Variants in ACAN observed in about 807,000 individuals in gnomAD.
The protein encoded by ACAN is aggrecan core protein.
In ACAN, 47 loss-of-function variants were observed where a neutral mutation model predicts 169.1. The observed-to-expected ratio is 0.28, with a 90% CI of 0.22 to 0.35. ACAN has a LOEUF of 0.35. Ranked by LOEUF, ACAN falls within the 10% of genes least tolerant of loss-of-function variation. ACAN has a pLI of 1.00. For missense variants in ACAN, 2,716 were observed against 2,759.9 expected (o/e 0.98, Z 0.36); for synonymous variants, 1,115 against 1,112.2 (o/e 1.00, Z -0.05).
chr15:88,857,762 G>C lies in ACAN; in HGVS notation c.5177G>C (p.Ser1726Thr), dbSNP rs1348032187. 1 of 1,613,988 alleles carries C rather than the reference G, an allele frequency of 6.2e-7. No individual in the cohort carries two copies. Among genetic ancestry groups the C allele is most frequent in the Admixed American group, 1.7e-5 (1 of 60,032 alleles). ...CAAGCATCTGGGTCTCCTGATGTCAGTGGGGAAATACCTGGACTCTTTGGT... is the reference window on the plus strand; with the variant it reads ...CAAGCATCTGGGTCTCCTGATGTCACTGGGGAAATACCTGGACTCTTTGGT... ...SGQASGSPDV[S>T]GEIPGLFGVS... Residue 1726 changes from serine (S) to threonine (T), a missense_variant, in exon 12 of 19, where the codon AGT becomes ACT. Transcript: ENST00000560601.
chr15:88,859,036 G>C lies in ACAN; in HGVS notation c.6451G>C (p.Gly2151Arg). 1.2e-6 allele frequency: 2 copies of C among 1,613,948 alleles called. No individual in the cohort carries two copies. The highest frequency in any genetic ancestry group is 1.7e-6 in the Non-Finnish European group (2 of 1,179,876). ...LERSSGLGVS[G>R]STLTFQEGEA... ...GAGATCCTCTGGCCTAGGAGTGAGC[G>C]GCAGCACTTTGACATTTCAAGAAGG... Residue 2151 changes from glycine (G) to arginine (R), a missense_variant, in exon 12 of 19, where the codon GGC (glycine) becomes CGC (arginine). By Grantham distance (125) the Gly-to-Arg change is moderately radical. Transcript: ENST00000560601.
intron 1 of ACAN, among the ~76,000 whole-genome samples, chr15:88,832,562 A>G (rs2141547099): frequency 6.6e-6 from 1 of 152,340 alleles, no homozygotes; most frequent in South Asian, 2.1e-4. Context: ...GTGAGCCAAG[A>G]TCATGCCACT....
rs554949381 is a variant in ACAN at position 88,845,657 on chromosome 15, A to G, written c.1204A>G (p.Lys402Glu). The G allele has an allele frequency of 1.2e-6, 2 of 1,614,042 alleles. No individual in the cohort carries two copies. Among genetic ancestry groups the G allele is most frequent in the African/African-American group, 2.7e-5 (2 of 75,068 alleles). The change falls in exon 7 of 19, where the codon AAG (lysine) becomes GAG (glutamate). Residue 402 changes from lysine (K) to glutamate (E), a missense_variant. Physicochemically the swap from Lys to Glu is moderately conservative, Grantham distance 56 (BLOSUM62 1). Coordinates refer to ENST00000560601, the MANE Select transcript of ACAN (RefSeq NM_001369268.1). Reference sequence around the variant, plus strand: ...CCGAGGCAGCGTGATCCTTACCGTAAAGCCCATCTTCGAGGTCTCCCCCAG... The same window carrying G: ...CCGAGGCAGCGTGATCCTTACCGTAGAGCCCATCTTCGAGGTCTCCCCCAG... ...EARGSVILTVKPIFEVSPSPL... is the reference protein window; with the variant it reads ...EARGSVILTVEPIFEVSPSPL...
chr15:88,831,964 G>C (rs1323604216), intron 1 of ACAN, among the ~76,000 whole-genome samples: 1 of 152,168 alleles, frequency 6.6e-6, no homozygotes, highest in Non-Finnish European at 1.5e-5. Context: ...GATGTGTTTT[G>C]GGTGGCTTCT....
At chr15:88,819,785 T>TA (rs896272970) in intron 1 of ACAN, among the ~76,000 whole-genome samples, 8 of 151,576 alleles carry the variant, frequency 5.3e-5, no homozygotes, top group Non-Finnish European at 1.0e-4. Flanking sequence ...TTTTTTTAAT[T>TA]AAAAAAAATT....
rs140626427 is a variant in ACAN at position 88,816,062 on chromosome 15, G to A, written c.-8+12253G>A. Among the ~76,000 whole-genome samples the A allele has an allele frequency of 1.1e-4, 17 of 152,200 alleles. No homozygotes were observed. In the South Asian group the frequency reaches 2.7e-3, roughly 24 times the overall value. ...GCTGCGTCACTCCCATCTCTGCCTC[G>A]GCTGTCACTTGGTGATCTCCCTGTG... On this transcript the variant is annotated intron_variant, in intron 1 of 18. Transcript: ENST00000560601.
At chr15:88,811,655 T>A (rs938614) in intron 1 of ACAN, among the ~76,000 whole-genome samples, 82,901 of 151,978 alleles carry the variant, frequency 0.55, 23,311 homozygotes, top group East Asian at 0.91. Flanking sequence ...TCCCTATCCA[T>A]ACCTGGCCAC....
rs1482531894 is a variant in ACAN, at chr15:88,869,081, C to G, written c.7060+752C>G. Reference sequence around the variant, plus strand: ...ACCACTTCTACCAAAAGGAGCTGTGCACCAGGAACCCTCCCAGGGACAGAC... The same window carrying G: ...ACCACTTCTACCAAAAGGAGCTGTGGACCAGGAACCCTCCCAGGGACAGAC... On this transcript the variant is annotated intron_variant, in intron 14 of 18. Transcript: ENST00000560601. The surrounding 1 kb of genome is among the most constrained non-coding windows in gnomAD (Gnocchi z 4.2). Among the ~76,000 whole-genome samples, 1 of 152,182 alleles carries G rather than the reference C, an allele frequency of 6.6e-6. No homozygotes were observed.
intron 1 of ACAN, among the ~76,000 whole-genome samples, chr15:88,825,391 A>G (rs1250508226): frequency 6.6e-6 from 1 of 152,216 alleles, no homozygotes; most frequent in African/African-American, 2.4e-5. Flanking sequence ...CTAACTGGAA[A>G]TAAGTAATTT....
intron 7 of ACAN, 37 bp from the exon 8 acceptor site, chr15:88,847,206 G>C (rs746936775): frequency 1.1e-5 from 16 of 1,508,770 alleles, no homozygotes; most frequent in Non-Finnish European, 1.4e-5. Flanking sequence ...GCACACCGTG[G>C]GTCCCTGAAC....
intron 1 of ACAN, among the ~76,000 whole-genome samples, chr15:88,826,956 CTG>C (rs1393507542): frequency 1.3e-5 from 2 of 152,212 alleles, no homozygotes; most frequent in Non-Finnish European, 2.9e-5. Context: ...CACTCACTAT[CTG>C]TGTGACTTTG....
In ACAN at chr15:88,849,845, G is replaced by T. The variant is rs1395926080; in HGVS notation, c.2026+114G>T. 1 of 1,425,566 alleles carries T rather than the reference G, an allele frequency of 7.0e-7. No individual in the cohort carries two copies. Among genetic ancestry groups the T allele is most frequent in the East Asian group, 2.5e-5 (1 of 40,410 alleles). The allele number at this position is 1,425,566 out of a possible 1,614,324, so 88.3% of individuals were successfully genotyped here. ...CATCCATCAGAGCAAGAAAATGTCA[G>T]TCCCTCTGGGGCAGAGCCAGCTCTG... On this transcript the variant is annotated intron_variant, in intron 10 of 18. Coordinates refer to ENST00000560601, the MANE Select transcript of ACAN (RefSeq NM_001369268.1). This position sits in a 1 kb window ranked among gnomAD's most constrained non-coding sequence, Gnocchi z 5.1.
At chr15:88,842,103 C>T (rs1445051697) in intron 5 of ACAN, among the ~76,000 whole-genome samples, 1 of 152,236 alleles carries the variant, frequency 6.6e-6, no homozygotes, top group Non-Finnish European at 1.5e-5. Flanking sequence ...GATGTCGCCA[C>T]TGGACCCAAG....
At chr15:88,859,545 T>A in intron 12 of ACAN, 128 bp downstream of exon 12, 2 of 1,295,012 alleles carry the variant, frequency 1.5e-6, no homozygotes, top group Non-Finnish European at 2.2e-6. Flanking sequence ...CTGTGCAGCC[T>A]CAGGCAATAG....
chr15:88,821,417 A>G (rs1896073087), intron 1 of ACAN, among the ~76,000 whole-genome samples: 1 of 152,110 alleles, frequency 6.6e-6, no homozygotes, highest in African/African-American at 2.4e-5. Flanking sequence ...GGCTCAAGCA[A>G]TCCTCTGGCT....
At position 88,852,113 on chromosome 15, in the gene ACAN, G is replaced by A. The variant is rs930309287; in HGVS notation, c.2266+80G>A. 4.6e-5 allele frequency: 69 copies of A among 1,503,688 alleles called. 1 individual carries two copies. The African/African-American group carries it at 7.6e-4, about 17-fold the overall frequency. The allele number at this position is 1,503,688 out of a possible 1,614,324, so 93.1% of individuals were successfully genotyped here. On this transcript the variant is annotated intron_variant, in intron 11 of 18. Coordinates refer to ENST00000560601, the MANE Select transcript of ACAN (RefSeq NM_001369268.1). Reference sequence around the variant, plus strand: ...CTACAGTGTGCCTGGTGGGGCGGGGGGGTTCCCTCCCTGGGATTTGTGCTG... The same window carrying A: ...CTACAGTGTGCCTGGTGGGGCGGGGAGGTTCCCTCCCTGGGATTTGTGCTG...
At chr15:88,813,421 G>C (rs1299656320) in intron 1 of ACAN, among the ~76,000 whole-genome samples, 1 of 151,782 alleles carries the variant, frequency 6.6e-6, no homozygotes, top group East Asian at 1.9e-4. Flanking sequence ...ATGGCTCAGG[G>C]ACTCTGCACA....
Position 88,847,419 on chromosome 15 carries a change from T to A in ACAN, c.1604+2T>A. The A allele has an allele frequency of 6.4e-7, 1 of 1,566,846 alleles. No individual in the cohort carries two copies. The highest frequency in any genetic ancestry group is 8.7e-7 in the Non-Finnish European group (1 of 1,152,220). On this transcript the variant is annotated splice_donor_variant, in intron 8 of 18. Coordinates refer to ENST00000560601, the MANE Select transcript of ACAN (RefSeq NM_001369268.1). LOFTEE classifies it high-confidence loss of function. Reference sequence around the variant, plus strand: ...CTGGCTGCGGGACCAGACCGTCAGGTGAAGCCATGCTCCTCGCCCAGCCCA... The same window carrying A: ...CTGGCTGCGGGACCAGACCGTCAGGAGAAGCCATGCTCCTCGCCCAGCCCA...
At chr15:88,806,281 AAGTTATGGAT>A (rs575147282) in intron 1 of ACAN, among the ~76,000 whole-genome samples, 90 of 152,260 alleles carry the variant, frequency 5.9e-4, no homozygotes, top group Middle Eastern at 3.4e-3. Context: ...CACAAACCCC[AAGTTATGGAT>A]AGCAAAAATT....
Sources: allele counts gnomAD v4.1 joint callset (sites outside exome capture counted in the v4.1 genomes callset), GRCh38; gene constraint gnomAD v4.1.1; non-coding constraint Gnocchi (gnomAD v3.1); transcripts MANE v1.5; gene names NCBI Gene and HGNC (gene_info 2026-07-23, HGNC 2026-07-21).